CDH13: variants seen among roughly 807,000 people sequenced by gnomAD.
The protein encoded by CDH13 is cadherin 13, also known as cadherin-13.
In CDH13, 24 loss-of-function variants were observed where a neutral mutation model predicts 63.8. The observed-to-expected ratio is 0.38, with a 90% confidence interval of 0.27 to 0.53. CDH13 has a LOEUF of 0.53. CDH13 is among the 20% of genes least tolerant of loss of function. The pLI, the probability that CDH13 is intolerant of heterozygous loss-of-function variation, is 0.85. For missense variants in CDH13, 1,049 were observed against 903.1 expected (o/e 1.16, Z -2.07); for synonymous variants, 503 against 355.3 (o/e 1.42, Z -4.67).
intron 5 of CDH13, among the ~76,000 whole-genome samples, chr16:83,269,257 C>A (rs2088722138): frequency 6.6e-6 from 1 of 152,092 alleles, no homozygotes; most frequent in African/African-American, 2.4e-5. Context: ...CTTATGAGGC[C>A]CCTCCCCAGA....
At chr16:83,276,528 G>T (rs1055817879) in intron 5 of CDH13, among the ~76,000 whole-genome samples, 3 of 152,198 alleles carry the variant, frequency 2.0e-5, no homozygotes, top group African/African-American at 7.2e-5. Context: ...TAGTCTTACA[G>T]TTTCCCATGG....
intron 1 of CDH13, among the ~76,000 whole-genome samples, chr16:82,726,087 G>A (rs2033078969): frequency 6.6e-6 from 1 of 152,132 alleles, no homozygotes; most frequent in Non-Finnish European, 1.5e-5. Flanking sequence ...GACATTTCTG[G>A]TGTACTTGAA....
intron 3 of CDH13, among the ~76,000 whole-genome samples, chr16:83,121,793 T>A: frequency 6.6e-6 from 1 of 152,226 alleles, no homozygotes; most frequent in Middle Eastern, 3.2e-3. Flanking sequence ...GATATGTGCA[T>A]TCATAAAGCT....
intron 2 of CDH13, among the ~76,000 whole-genome samples, chr16:83,015,330 G>A (rs1235137143): frequency 2.0e-5 from 3 of 151,430 alleles, no homozygotes; most frequent in Non-Finnish European, 4.4e-5. Context: ...TAATTCTAAA[G>A]GGCGCTGCAA....
At chr16:83,218,678 A>C (rs980274435) in intron 5 of CDH13, among the ~76,000 whole-genome samples, 3 of 152,154 alleles carry the variant, frequency 2.0e-5, no homozygotes, top group African/African-American at 7.2e-5. Context: ...AAACTAAGGA[A>C]AGATACAATA....
At chr16:82,862,793 A>T (rs11647182) in intron 2 of CDH13, among the ~76,000 whole-genome samples, 1 of 152,022 alleles carries the variant, frequency 6.6e-6, no homozygotes, top group African/African-American at 2.4e-5. Flanking sequence ...CACTCAGATC[A>T]TGCAGATGCA....
chr16:82,963,465 C>A (rs140713584), intron 2 of CDH13, among the ~76,000 whole-genome samples: 1 of 152,168 alleles, frequency 6.6e-6, no homozygotes, highest in African/African-American at 2.4e-5. Flanking sequence ...CTGTCCCCTA[C>A]GTCCTATGGT....
At chr16:83,360,932 T>C (rs2091150168) in intron 6 of CDH13, among the ~76,000 whole-genome samples, 1 of 152,238 alleles carries the variant, frequency 6.6e-6, no homozygotes, top group African/African-American at 2.4e-5. Flanking sequence ...CATGTGTCTT[T>C]TTGGTAGAAC....
intron 5 of CDH13, among the ~76,000 whole-genome samples, chr16:83,341,815 C>G (rs879656523): frequency 6.6e-6 from 1 of 152,130 alleles, no homozygotes; most frequent in Non-Finnish European, 1.5e-5. Context: ...CCAATTAGTT[C>G]CAAGTTCATC....
At chr16:83,394,225 T>G (rs920285458) in intron 6 of CDH13, among the ~76,000 whole-genome samples, 8 of 151,478 alleles carry the variant, frequency 5.3e-5, no homozygotes, top group Non-Finnish European at 2.9e-5. Context: ...AAACTGCACA[T>G]GTACCCCTGA....
rs532618748 is a variant in CDH13 at position 83,211,009 on chromosome 16, G to A, written c.484-6336G>A. On this transcript the variant is annotated intron_variant, in intron 4 of 13. Coordinates refer to ENST00000567109, the MANE Select transcript of CDH13 (RefSeq NM_001257.5). ...CTAAAAATACAAAAATTAGCTGGGCGTGGTGGCACGCACCTGTAGTCCCAG... is the reference window on the plus strand; with the variant it reads ...CTAAAAATACAAAAATTAGCTGGGCATGGTGGCACGCACCTGTAGTCCCAG... Among the ~76,000 whole-genome samples the A allele has an allele frequency of 5.3e-5, 8 of 151,960 alleles. No homozygotes were observed. In the East Asian group the frequency reaches 7.7e-4, roughly 15 times the overall value.
chr16:83,472,054 A>C (rs758459374), intron 6 of CDH13, among the ~76,000 whole-genome samples: 9 of 152,204 alleles, frequency 5.9e-5, no homozygotes, highest in Non-Finnish European at 1.2e-4. Flanking sequence ...CCGTCTTTTG[A>C]TAACAACAAT....
intron 5 of CDH13, among the ~76,000 whole-genome samples, chr16:83,321,959 T>G (rs1227828185): frequency 2.0e-5 from 3 of 152,214 alleles, no homozygotes; most frequent in Non-Finnish European, 4.4e-5. Flanking sequence ...GGTGGGAGCC[T>G]GGTTCAGAGC....
At chr16:83,005,459 GC>G (rs1428593128) in intron 2 of CDH13, among the ~76,000 whole-genome samples, 2 of 151,994 alleles carry the variant, frequency 1.3e-5, no homozygotes, top group Middle Eastern at 3.4e-3. Context: ...TCAGTGCCCC[GC>G]CCCCACCACT....
At chr16:83,222,396 A>T (rs944170917) in intron 5 of CDH13, among the ~76,000 whole-genome samples, 3 of 152,346 alleles carry the variant, frequency 2.0e-5, no homozygotes, top group South Asian at 4.1e-4. Context: ...GGCAGAATAC[A>T]CATTAAAGTG....
chr16:83,490,624 G>C (rs1233633170), intron 7 of CDH13, among the ~76,000 whole-genome samples: 2 of 152,152 alleles, frequency 1.3e-5, no homozygotes, highest in African/African-American at 2.4e-5. Context: ...GCAATTTGTG[G>C]GATGATGTTT....
intron 6 of CDH13, among the ~76,000 whole-genome samples, chr16:83,356,564 A>G (rs1458166120): frequency 1.3e-5 from 2 of 152,160 alleles, no homozygotes; most frequent in Admixed American, 6.5e-5. Context: ...CCTTCTGAGA[A>G]CGCAGTCTAG....
At chr16:82,933,507 C>T (rs992707378) in intron 2 of CDH13, among the ~76,000 whole-genome samples, 4 of 152,118 alleles carry the variant, frequency 2.6e-5, no homozygotes, top group Admixed American at 6.5e-5. Context: ...AGCATTCTGC[C>T]ACTTGCCCCT....
At chr16:82,628,658 T>A (rs754111738) in intron 1 of CDH13, among the ~76,000 whole-genome samples, 3 of 152,196 alleles carry the variant, frequency 2.0e-5, no homozygotes, top group Non-Finnish European at 4.4e-5. Flanking sequence ...TGGTTGATTA[T>A]CTTGGGGTCC....
Sources: gnomAD v4.1 joint callset for allele counts (sites outside exome capture counted in the v4.1 genomes callset) on GRCh38, gnomAD v4.1.1 for gene constraint, MANE v1.5 for transcripts, NCBI Gene and HGNC (gene_info 2026-07-23, HGNC 2026-07-21) for gene names.